The following CFAP65 variants were observed in gnomAD, a reference collection of about 807,000 sequenced individuals.
CFAP65 encodes cilia- and flagella-associated protein 65.
In CFAP65, 155 loss-of-function variants were observed where a neutral mutation model predicts 208.0. That is an observed-to-expected ratio of 0.75 (90% CI 0.65 to 0.85). CFAP65 has a LOEUF of 0.85. Among genes scored for constraint, CFAP65 ranks in the 40% least tolerant of loss-of-function variants. The pLI, the probability that CFAP65 is intolerant of heterozygous loss-of-function variation, is 0.00. For missense variants in CFAP65, 2,294 were observed against 2,451.3 expected, an observed-to-expected ratio of 0.94 and a Z score of 1.36; for synonymous variants, 970 against 986.3, an observed-to-expected ratio of 0.98 and a Z score of 0.31.
intron 31 of CFAP65, 126 bp from the exon 32 acceptor site, chr2:219,005,688 C>G: frequency 1.8e-6 from 2 of 1,140,566 alleles, no homozygotes; most frequent in African/African-American, 3.1e-5. Flanking sequence ...CCAGCCTTAA[C>G]CCAAATGTAG....
intron 21 of CFAP65, chr2:219,015,121 A>T (rs1319814085): frequency 6.7e-6 from 1 of 149,424 alleles, no homozygotes; most frequent in African/African-American, 2.5e-5. Context: ...ACCTGAGGAG[A>T]ATGCACGCAA....
rs142452622 is a variant in CFAP65 at position 219,021,187 on chromosome 2, G to T, written c.3224C>A (p.Ser1075Tyr). The stretch of plus-strand genomic sequence containing the variant: ...AAGGAGAGAGTAGGTGATGGTCCAG[G>T]AGTACTGGGACCGCTGCTTGGGACA... ...TACPKQRSQY[S>Y]WTITYSLLSH... Residue 1075 changes from serine (S) to tyrosine (Y), a missense_variant, in exon 19 of 35, where the codon TCC (serine) becomes TAC (tyrosine). Physicochemically the swap from Ser to Tyr is moderately radical, Grantham distance 144. This residue lies in a region of CFAP65 where 1,427 missense variants were observed against 1,438.7 expected (regional missense o/e 0.99). Transcript: ENST00000341552. 1.2e-6 allele frequency: 2 copies of T among 1,601,880 alleles called. No homozygotes were observed. The highest frequency in any genetic ancestry group is 1.7e-6 in the Non-Finnish European group (2 of 1,173,722).
chr2:219,026,076 G>C lies in CFAP65; in HGVS notation c.2295C>G (p.Ser765Arg), dbSNP rs1311152402. The change falls in exon 14 of 35, where the codon AGC (serine) becomes AGG (arginine). Residue 765 changes from serine to arginine, a missense_variant. Around this residue, in one of 2 missense-constraint regions of CFAP65, gnomAD observed 867 missense variants for 1,012.6 expected, o/e 0.86. Transcript: ENST00000341552. ...WCLTVRARGH[S>R]YFAGFEHHIP... ...TGTGGTGCTCAAAGCCAGCGAAATA[G>C]CTGTGGCCTCGTGCCCGCACCGTCA... is the stretch of plus-strand genomic sequence containing the variant. The C allele has an allele frequency of 6.2e-7, 1 of 1,614,020 alleles. No homozygotes were observed. Among genetic ancestry groups the C allele is most frequent in the Non-Finnish European group, 8.5e-7 (1 of 1,180,028 alleles).
rs147223550 is a variant in CFAP65, at chr2:219,030,417, C to T, written c.1162-209G>A. 7.9e-4 allele frequency among the ~76,000 whole-genome samples: 121 copies of T among 152,326 alleles called. 1 individual carries two copies. Among genetic ancestry groups the T allele is most frequent in the African/African-American group, 2.6e-3 (107 of 41,586 alleles). ...CGCTGGGCCTGCCCAAAGGGGGCAC[C>T]TTTTAATTCTCCCCAGGGTACCATC... On this transcript the variant is annotated intron_variant, in intron 9 of 34. Coordinates refer to ENST00000341552, the MANE Select transcript of CFAP65 (RefSeq NM_194302.4).
At chr2:219,026,932 C>T (rs1174849914) in intron 13 of CFAP65, 8 of 986,124 alleles carry the variant, frequency 8.1e-6, no homozygotes, top group East Asian at 2.3e-4. Flanking sequence ...AAAGATCGGA[C>T]GTGGTCCCAA....
At chr2:219,028,424 G>A (rs112950593) in intron 11 of CFAP65, 23 bp from the exon 12 acceptor site, 3 of 1,608,864 alleles carry the variant, frequency 1.9e-6, no homozygotes, top group Non-Finnish European at 8.5e-7. Context: ...TCTGTGTGTG[G>A]TGGGGCATGG....
rs778823762 is a variant in CFAP65, at chr2:219,035,535, T to C, written c.487A>G (p.Thr163Ala). The change falls in exon 5 of 35, where the codon ACA (threonine) becomes GCA (alanine). Residue 163 changes from threonine (T) to alanine (A), a missense_variant. By Grantham distance (58) the Thr-to-Ala change is moderately conservative. Transcript: ENST00000341552. ...WKGWELGKET[T>A]RNLVLKNRSL... Reference sequence around the variant, plus strand: ...CGATTTTTCAGAACCAGATTCCTTGTGGTCTCCTTTCCTAGCTCCCAGCCT... The same window carrying C: ...CGATTTTTCAGAACCAGATTCCTTGCGGTCTCCTTTCCTAGCTCCCAGCCT... 2 of 1,614,110 alleles carry C rather than the reference T, an allele frequency of 1.2e-6. No individual in the cohort carries two copies. Among genetic ancestry groups the C allele is most frequent in the South Asian group, 1.1e-5 (1 of 91,058 alleles).
At chr2:219,028,673 C>G (rs772417860) in intron 11 of CFAP65, among the ~76,000 whole-genome samples, 7 of 152,090 alleles carry the variant, frequency 4.6e-5, no homozygotes, top group Non-Finnish European at 1.0e-4. Context: ...TGGGCATTCT[C>G]CCACCCACCC....
chr2:219,040,564 G>C lies in CFAP65; in HGVS notation c.-48C>G. On this transcript the variant is annotated splice_region_variant and 5_prime_UTR_variant, in exon 2 of 35. In the 5' UTR this introduces an upstream ATG that the reference lacks. Coordinates refer to ENST00000341552, the MANE Select transcript of CFAP65 (RefSeq NM_194302.4). ...TTCAGATGAAATCAAAGAAATGTAA[G>C]CTGAGGAGACACAGAGAGAGTCCAT... 6.4e-7 allele frequency: 1 copy of C among 1,551,290 alleles called. No homozygotes were observed. Among genetic ancestry groups the C allele is most frequent in the East Asian group, 2.4e-5 (1 of 40,924 alleles).
rs758571164 is a variant in CFAP65 at position 219,009,132 on chromosome 2, C to T, written c.4589G>A (p.Arg1530Lys). ...CTCCTGCAGCTCCTTGTGATACTGC[C>T]TCATGAGCTGCTGCGAGTACAGCTA... is the stretch of plus-strand genomic sequence containing the variant. The part of the protein sequence containing the change: ...VCKLYSQQLM[R>K]QYHKELQEWK... The change falls in exon 29 of 35, where the codon AGG (arginine) becomes AAG (lysine). Residue 1530 changes from arginine to lysine, a missense_variant. Arg to Lys is a conservative substitution (Grantham distance 26). This residue lies in a region of CFAP65 where 1,427 missense variants were observed against 1,438.7 expected (regional missense o/e 0.99). Coordinates refer to ENST00000341552, the MANE Select transcript of CFAP65 (RefSeq NM_194302.4). The T allele has an allele frequency of 3.1e-6, 5 of 1,612,830 alleles. No homozygotes were observed. The highest frequency in any genetic ancestry group is 4.2e-6 in the Non-Finnish European group (5 of 1,179,916).
At position 219,010,923 on chromosome 2, in the gene CFAP65, T is replaced by A; in HGVS notation, c.4031A>T (p.Gln1344Leu). 1 of 1,613,908 alleles carries A rather than the reference T, an allele frequency of 6.2e-7. No homozygotes were observed. Among genetic ancestry groups the A allele is most frequent in the Non-Finnish European group, 8.5e-7 (1 of 1,180,008 alleles). Residue 1344 changes from glutamine to leucine, a missense_variant, in exon 25 of 35, where the codon CAG (glutamine) becomes CTG (leucine). Transcript: ENST00000341552. ...GATGGGGTGATCAAAATTTTTTTCC[T>A]GAACCTGTGACAGGACATCGGTCTG... ...EVQTDVLSQVQEKNFDHPIFC... is the reference protein window; with the variant it reads ...EVQTDVLSQVLEKNFDHPIFC...
At chr2:219,007,498 C>T (rs1459586407) in intron 29 of CFAP65, among the ~76,000 whole-genome samples, 1 of 152,080 alleles carries the variant, frequency 6.6e-6, no homozygotes, top group Non-Finnish European at 1.5e-5. Flanking sequence ...TAATTTGTAT[C>T]CACAGTTGGG....
rs1370132065 is a variant in CFAP65, at chr2:219,032,690, A to C, written c.543-118T>G. ...CTTGAGTCCCTGGGACCACAGAGAA[A>C]GCGATCAGGAGATGAGCACGTGGAG... On this transcript the variant is annotated intron_variant, in intron 5 of 34. Coordinates refer to ENST00000341552, the MANE Select transcript of CFAP65 (RefSeq NM_194302.4). The surrounding 1 kb of genome is among the most constrained non-coding windows in gnomAD (Gnocchi z 5.5). 1 of 814,556 alleles carries C rather than the reference A, an allele frequency of 1.2e-6. No homozygotes were observed. Among genetic ancestry groups the C allele is most frequent in the African/African-American group, 1.7e-5 (1 of 57,438 alleles). The allele number at this position is 814,556 out of a possible 1,614,324, so 50.5% of individuals were successfully genotyped here. A position where few individuals can be genotyped will look rare whatever the true frequency, so the allele number is the denominator to read the frequency against.
chr2:219,008,084 GC>G (rs1253338792), intron 29 of CFAP65, among the ~76,000 whole-genome samples: 1 of 151,910 alleles, frequency 6.6e-6, no homozygotes, highest in African/African-American at 2.4e-5. Context: ...CTCCCAAAGT[GC>G]TGGGATTACA....
In CFAP65 at chr2:219,024,218, G is replaced by A. The variant is rs1482638598; in HGVS notation, c.2392C>T (p.Leu798=). 1.2e-6 allele frequency: 2 copies of A among 1,613,654 alleles called. No individual in the cohort carries two copies. The highest frequency in any genetic ancestry group is 3.3e-5 in the Admixed American group (2 of 60,012). The change falls in exon 15 of 35, where the codon CTG becomes TTG. Residue 798 remains leucine (L), a synonymous_variant. Coordinates refer to ENST00000341552, the MANE Select transcript of CFAP65 (RefSeq NM_194302.4). The part of the protein sequence containing the change: ...VSSGEPTYRS[L]LLVNKDCKLL... ...TTGCAGTCTTTGTTGACCAGGAGCA[G>A]GCTGCGGTAGGTGGGCTCACCGGAG... is the stretch of plus-strand genomic sequence containing the variant.
At chr2:219,034,995 G>T in intron 5 of CFAP65, 1 of 234,880 alleles carries the variant, frequency 4.3e-6, no homozygotes, top group South Asian at 7.8e-5. Flanking sequence ...CCAAGCCTCC[G>T]CAATTCTACT....
At chr2:219,035,246 C>T in intron 5 of CFAP65, 12 of 1,381,070 alleles carry the variant, frequency 8.7e-6, no homozygotes, top group Non-Finnish European at 1.2e-5. Context: ...GCCCAAACTT[C>T]CTTCATTCTG....
Position 219,009,431 on chromosome 2 carries a change from C to A in CFAP65, c.4482G>T (p.Val1494=), listed in dbSNP as rs778693587. ...EVSVSPMIGV[V]APEETVPFVV... is the part of the protein sequence containing the mutation. Reference sequence around the variant, plus strand: ...CAAATGGGACCGTCTCTTCAGGAGCCACCACCCCTATCATGGGACTCACAG... The same window carrying A: ...CAAATGGGACCGTCTCTTCAGGAGCAACCACCCCTATCATGGGACTCACAG... The change falls in exon 28 of 35, where the codon GTG becomes GTT. Residue 1494 remains valine, a synonymous_variant. Transcript: ENST00000341552. 2 of 1,612,502 alleles carry A rather than the reference C, an allele frequency of 1.2e-6. No homozygotes were observed. Among genetic ancestry groups the A allele is most frequent in the South Asian group, 1.1e-5 (1 of 91,076 alleles).
Position 219,004,191 on chromosome 2 carries a change from TTCTTCC to T in CFAP65, c.5310_5315del (p.Glu1773_Glu1774del). On this transcript the variant is annotated inframe_deletion, in exon 33 of 35. Coordinates refer to ENST00000341552, the MANE Select transcript of CFAP65 (RefSeq NM_194302.4). The surrounding 1 kb of genome is among the most constrained non-coding windows in gnomAD (Gnocchi z 4.7). ...CCTCCTCTTCCTCCTCCAACTCTTC[TTCTTCC>T]TCTTCACCCTTCTCCTCCTCCCCCT... 1.2e-6 allele frequency: 2 copies of T among 1,613,974 alleles called. No individual in the cohort carries two copies. The highest frequency in any genetic ancestry group is 1.7e-6 in the Non-Finnish European group (2 of 1,180,022).
Sources: allele counts gnomAD v4.1 joint callset (sites outside exome capture counted in the v4.1 genomes callset), GRCh38; gene constraint gnomAD v4.1.1; regional missense constraint gnomAD v4.1.1; non-coding constraint Gnocchi (gnomAD v3.1); transcripts MANE v1.5; gene names NCBI Gene and HGNC (gene_info 2026-07-23, HGNC 2026-07-21).